The following COX6C variants were observed in gnomAD, a reference collection of about 807,000 sequenced individuals.
The protein encoded by COX6C is cytochrome c oxidase subunit 6C.
A neutral mutation model predicts 6.9 loss-of-function variants in COX6C; 3 were observed. That is an observed-to-expected ratio of 0.43 (90% confidence interval 0.20 to 1.12). The LOEUF is 1.12. COX6C is among the 50% of genes most tolerant of loss of function. The pLI is 0.27. For missense variants in COX6C, 101 were observed against 97.3 expected (o/e 1.04, Z -0.16); for synonymous variants, 32 against 32.0 (o/e 1.00, Z 0.00).
intron 3 of COX6C, among the ~76,000 whole-genome samples, chr8:99,885,308 G>A (rs1300119836): frequency 4.6e-5 from 7 of 152,118 alleles, no homozygotes; most frequent in Non-Finnish European, 8.8e-5. Flanking sequence ...TAATTTATGA[G>A]TTAAACGTCA....
rs138387762 is a variant in COX6C at position 99,885,665 on chromosome 8, A to G, written c.*15+1825T>C. 1.4e-4 allele frequency among the ~76,000 whole-genome samples: 22 copies of G among 152,368 alleles called. No individual in the cohort carries two copies. The South Asian group carries it at 2.9e-3, about 20-fold the overall frequency. ...ATTCAAGTGAATCAAAGATCTAAAC[A>G]TAAGAGCTAAAACTATAAAAGTCTT... On this transcript the variant is annotated intron_variant, in intron 3 of 3. Coordinates refer to ENST00000520468, the MANE Select transcript of COX6C (RefSeq NM_004374.4).
intron 2 of COX6C, among the ~76,000 whole-genome samples, chr8:99,890,101 CA>C (rs879799894): frequency 5.4e-4 from 75 of 138,878 alleles, no homozygotes; most frequent in Admixed American, 5.7e-4. Flanking sequence ...CTCAAAAAAA[CA>C]AAAAAAAAAA....
chr8:99,892,377 CT>C (rs1477071700), intron 1 of COX6C, among the ~76,000 whole-genome samples: 1 of 152,114 alleles, frequency 6.6e-6, no homozygotes, highest in East Asian at 1.9e-4. Flanking sequence ...AAGCTATTGA[CT>C]GACTAAACGC....
At chr8:99,890,751 T>C (rs1178679309) in intron 2 of COX6C, among the ~76,000 whole-genome samples, 2 of 152,176 alleles carry the variant, frequency 1.3e-5, no homozygotes, top group Non-Finnish European at 1.5e-5. Flanking sequence ...AAAAACATTT[T>C]TACGGAAAAG....
chr8:99,881,700 C>A (rs1176041174), intron 3 of COX6C, among the ~76,000 whole-genome samples: 1 of 152,074 alleles, frequency 6.6e-6, no homozygotes, highest in Non-Finnish European at 1.5e-5. Flanking sequence ...AAATGAGGGA[C>A]AAAGAAGCTG....
Position 99,878,100 on chromosome 8 carries a change from A to C in COX6C, c.*181T>G, listed in dbSNP as rs528057250. On this transcript the variant is annotated 3_prime_UTR_variant, in exon 4 of 4. Coordinates refer to ENST00000520468, the MANE Select transcript of COX6C (RefSeq NM_004374.4). ...ATCCCAAACCAATTCTTATGCTAGT[A>C]AGTGCCCTGCATTATCATTAAGAAC... The C allele has an allele frequency of 2.6e-5, 4 of 152,338 alleles. No homozygotes were observed. The highest frequency in any genetic ancestry group is 1.3e-4 in the Admixed American group (2 of 15,296). The allele number at this position is 152,338 out of a possible 1,614,324, so 9.4% of individuals were successfully genotyped here.
chr8:99,887,382 T>G, intron 3 of COX6C, 108 bp downstream of exon 3: 2 of 571,766 alleles, frequency 3.5e-6, no homozygotes, highest in Non-Finnish European at 5.8e-6. Context: ...CACACCATCG[T>G]AAAGTCAAAA....
Position 99,883,429 on chromosome 8 carries a change from A to G in COX6C, c.*15+4061T>C, listed in dbSNP as rs930350974. Among the ~76,000 whole-genome samples the G allele has an allele frequency of 1.9e-4, 27 of 145,852 alleles. 1 individual carries two copies. The highest frequency in any genetic ancestry group is 5.3e-4 in the African/African-American group (20 of 37,682). On this transcript the variant is annotated intron_variant, in intron 3 of 3. Transcript: ENST00000520468. ...TATATATATGTGTGTGTGTGTATAT[A>G]TGTATGTGTGTGTGTGTGTGTGTGT... is the stretch of plus-strand genomic sequence containing the variant.
At chr8:99,891,864 C>T in intron 2 of COX6C, 44 bp downstream of exon 2, 2 of 1,564,698 alleles carry the variant, frequency 1.3e-6, no homozygotes, top group Non-Finnish European at 1.8e-6. Flanking sequence ...CAACCAAAAA[C>T]ACATACTTTA....
intron 2 of COX6C, 108 bp from the exon 3 acceptor site, chr8:99,887,726 A>G: frequency 6.0e-6 from 4 of 671,346 alleles, no homozygotes; most frequent in Non-Finnish European, 7.0e-6. Flanking sequence ...TTCACCCTTT[A>G]ATTTAAACCC....
intron 3 of COX6C, among the ~76,000 whole-genome samples, chr8:99,878,983 T>C (rs1343895195): frequency 2.6e-5 from 4 of 152,230 alleles, no homozygotes; most frequent in African/African-American, 4.8e-5. Flanking sequence ...CACATATATG[T>C]AGTGCAACTG....
In COX6C at chr8:99,878,232, G is replaced by A. The variant is rs1817781521; in HGVS notation, c.*49C>T. 6.6e-6 allele frequency: 1 copy of A among 152,216 alleles called. No individual in the cohort carries two copies. The highest frequency in any genetic ancestry group is 2.4e-5 in the African/African-American group (1 of 41,446). 9.4% of individuals were successfully genotyped at this position (152,216 alleles called of 1,614,324 possible). A position where few individuals can be genotyped will look rare whatever the true frequency, so the allele number is the denominator to read the frequency against. The stretch of plus-strand genomic sequence containing the variant: ...TCATAGTTCAGGAACACAAGTCAGT[G>A]ACAAACTTCTAGGTAATTCAACCTG... On this transcript the variant is annotated 3_prime_UTR_variant, in exon 4 of 4. Transcript: ENST00000520468.
At chr8:99,883,916 A>C (rs988079730) in intron 3 of COX6C, among the ~76,000 whole-genome samples, 1 of 152,232 alleles carries the variant, frequency 6.6e-6, no homozygotes, top group African/African-American at 2.4e-5. Context: ...GATAAAAAAC[A>C]CATCTCAAAA....
intron 3 of COX6C, among the ~76,000 whole-genome samples, chr8:99,880,788 T>C (rs915635861): frequency 6.6e-6 from 1 of 150,562 alleles, no homozygotes; most frequent in Admixed American, 6.6e-5. Context: ...CAGACCAATA[T>C]AGGTATTACC....
intron 3 of COX6C, among the ~76,000 whole-genome samples, chr8:99,883,729 T>C (rs1817903703): frequency 6.6e-6 from 1 of 152,138 alleles, no homozygotes; most frequent in Non-Finnish European, 1.5e-5. Context: ...GAGAAAACTA[T>C]AGGCCAAATC....
intron 2 of COX6C, among the ~76,000 whole-genome samples, chr8:99,889,203 T>C (rs950086195): frequency 2.6e-5 from 4 of 152,286 alleles, no homozygotes; most frequent in East Asian, 3.9e-4. Context: ...AAAGACTTTG[T>C]GTGCTTGTCT....
At chr8:99,880,309 C>T (rs1588825403) in intron 3 of COX6C, among the ~76,000 whole-genome samples, 2 of 152,184 alleles carry the variant, frequency 1.3e-5, no homozygotes, top group African/African-American at 4.8e-5. Context: ...TGCTGACTTA[C>T]TCTATAAAAC....
chr8:99,887,174 A>G (rs1817954979), intron 3 of COX6C: 1 of 166,454 alleles, frequency 6.0e-6, no homozygotes, highest in African/African-American at 2.4e-5. Context: ...CACAAAGCCT[A>G]GCTTATAATA....
rs951141088 is a variant in COX6C at position 99,893,682 on chromosome 8, G to A, written c.-75C>T. ...CCTGACTAAAGGAAAAACGAACCGT[G>A]CTGTAGCCGCGCGCAGGCGCAGAAT... is the stretch of plus-strand genomic sequence containing the variant. On this transcript the variant is annotated 5_prime_UTR_variant, in exon 1 of 4. Coordinates refer to ENST00000520468, the MANE Select transcript of COX6C (RefSeq NM_004374.4). 3 of 152,316 alleles carry A rather than the reference G, an allele frequency of 2.0e-5. No homozygotes were observed. The highest frequency in any genetic ancestry group is 2.9e-5 in the Non-Finnish European group (2 of 68,088). The allele number at this position is 152,316 out of a possible 1,614,324, so 9.4% of individuals were successfully genotyped here. A position where few individuals can be genotyped will look rare whatever the true frequency, so the allele number is the denominator to read the frequency against.
Sources: allele counts gnomAD v4.1 joint callset (sites outside exome capture counted in the v4.1 genomes callset), GRCh38; gene constraint gnomAD v4.1.1; transcripts MANE v1.5; gene names NCBI Gene and HGNC (gene_info 2026-07-23, HGNC 2026-07-21).